Variants in BLK observed in about 807,000 individuals in gnomAD.
BLK encodes the protein BLK proto-oncogene, Src family tyrosine kinase, also known as tyrosine-protein kinase Blk.
A neutral mutation model predicts 61.8 loss-of-function variants in BLK; 64 were observed. The ratio of observed to expected loss-of-function variants is 1.03; its 90% CI spans 0.85 to 1.27. BLK has a LOEUF of 1.27. Ranked by LOEUF, BLK falls within the 50% of genes most tolerant of loss-of-function variation. The pLI is 0.00. For missense variants in BLK, 853 were observed against 660.5 expected (o/e 1.29, Z -3.19); for synonymous variants, 351 against 272.0 (o/e 1.29, Z -2.86).
chr8:11,505,375 C>T (rs115833753), intron 1 of BLK, among the ~76,000 whole-genome samples: 1,592 of 152,222 alleles, frequency 0.01, 10 homozygotes, highest in African/African-American at 0.024. Context: ...AGACAGCACC[C>T]GCTCCCTCCA....
chr8:11,545,329 A>G (rs1374473690), intron 2 of BLK, among the ~76,000 whole-genome samples: 5 of 152,242 alleles, frequency 3.3e-5, no homozygotes, highest in Non-Finnish European at 4.4e-5. Context: ...TGGGAGGATC[A>G]CTTGAGGCCA....
chr8:11,556,743 C>T lies in BLK; in HGVS notation c.858C>T (p.Asn286=), dbSNP rs565574052. The change falls in exon 9 of 13, where the codon AAC becomes AAT. Residue 286 remains asparagine (N), a synonymous_variant. Transcript: ENST00000259089. ...MSPEAFLGEA[N]VMKALQHERL... ...CAGAAGCCTTTCTGGGTGAGGCCAA[C>T]GTGATGAAGGCTCTGCAGCACGAGC... is the stretch of plus-strand genomic sequence containing the variant. 165 of 1,614,208 alleles carry T rather than the reference C, an allele frequency of 1.0e-4. 1 individual carries two copies. Among genetic ancestry groups the T allele is most frequent in the South Asian group, 1.4e-4 (13 of 91,086 alleles).
intron 6 of BLK, among the ~76,000 whole-genome samples, chr8:11,552,096 C>T (rs1054576613): frequency 2.0e-5 from 3 of 152,118 alleles, no homozygotes; most frequent in Non-Finnish European, 2.9e-5. Context: ...GAGTCTGGTT[C>T]CCTGTGGTTG....
chr8:11,503,535 G>C (rs368981908), intron 1 of BLK, among the ~76,000 whole-genome samples: 1 of 152,140 alleles, frequency 6.6e-6, no homozygotes, highest in South Asian at 2.1e-4. Context: ...CCTTATACAG[G>C]GTGACCCTTT....
intron 1 of BLK, among the ~76,000 whole-genome samples, chr8:11,526,043 G>C (rs1377358953): frequency 6.6e-6 from 1 of 152,182 alleles, no homozygotes; most frequent in African/African-American, 2.4e-5. Context: ...AAAGTGCTGG[G>C]ATTACAGGTG....
intron 1 of BLK, among the ~76,000 whole-genome samples, chr8:11,515,236 C>T (rs1799178067): frequency 2.0e-5 from 3 of 152,316 alleles, no homozygotes; most frequent in Middle Eastern, 3.4e-3. Flanking sequence ...CCTGGAAGTA[C>T]AGGCGGTCTG....
intron 1 of BLK, among the ~76,000 whole-genome samples, chr8:11,503,525 C>G (rs897420770): frequency 2.0e-5 from 3 of 152,122 alleles, no homozygotes; most frequent in South Asian, 4.2e-4. Flanking sequence ...TGTGCCCAAG[C>G]CTTATACAGG....
intron 3 of BLK, 89 bp from the exon 4 acceptor site, chr8:11,547,942 GC>G: frequency 9.1e-7 from 1 of 1,096,844 alleles, no homozygotes; most frequent in African/African-American, 1.5e-5. Flanking sequence ...GCAAGCAGAA[GC>G]CTGTCCTCCT....
At chr8:11,518,317 C>T (rs1248569729) in intron 1 of BLK, among the ~76,000 whole-genome samples, 1 of 152,204 alleles carries the variant, frequency 6.6e-6, no homozygotes, top group Non-Finnish European at 1.5e-5. Context: ...AGTGAATACG[C>T]ACTTTCGTGT....
At chr8:11,526,186 G>C (rs1033953367) in intron 1 of BLK, among the ~76,000 whole-genome samples, 27 of 152,134 alleles carry the variant, frequency 1.8e-4, no homozygotes, top group African/African-American at 6.5e-4. Context: ...TCATCATGCT[G>C]TCTCTTTTCT....
intron 1 of BLK, among the ~76,000 whole-genome samples, chr8:11,514,975 C>T (rs1799165105): frequency 1.3e-5 from 2 of 152,128 alleles, no homozygotes; most frequent in African/African-American, 4.8e-5. Flanking sequence ...AGGGTTGAGG[C>T]ACGCACATGA....
intron 1 of BLK, among the ~76,000 whole-genome samples, chr8:11,517,545 C>G (rs770095940): frequency 6.6e-6 from 1 of 152,222 alleles, no homozygotes; most frequent in Admixed American, 6.5e-5. Flanking sequence ...TTCCCAGAGC[C>G]CTTGCTGTAG....
intron 6 of BLK, 77 bp downstream of exon 6, chr8:11,550,339 T>G: frequency 1.5e-6 from 2 of 1,373,186 alleles, no homozygotes; most frequent in Admixed American, 3.5e-5. Flanking sequence ...GGCCCTGGAG[T>G]GAGAGGGGAA....
chr8:11,535,115 C>T (rs749803029), intron 1 of BLK, among the ~76,000 whole-genome samples: 3 of 151,394 alleles, frequency 2.0e-5, no homozygotes, highest in Admixed American at 6.6e-5. Context: ...GAGTTCAAGG[C>T]TGCAGTGAGC....
intron 1 of BLK, among the ~76,000 whole-genome samples, chr8:11,510,727 C>T (rs983163786): frequency 1.1e-4 from 17 of 151,818 alleles, no homozygotes; most frequent in Admixed American, 5.2e-4. Context: ...ATATTATCCC[C>T]GGGATAGCGC....
chr8:11,558,926 G>T (rs1284897462), intron 10 of BLK: 1 of 455,846 alleles, frequency 2.2e-6, no homozygotes, highest in Non-Finnish European at 4.4e-6. Flanking sequence ...TAGCGCCGCT[G>T]CAGGAACTGA....
intron 1 of BLK, among the ~76,000 whole-genome samples, chr8:11,533,540 G>C (rs1799980735): frequency 6.6e-6 from 1 of 150,538 alleles, no homozygotes; most frequent in African/African-American, 2.4e-5. Context: ...CAGAGATGTG[G>C]CTCAAATCTC....
At chr8:11,552,624 G>C (rs1339130818) in intron 6 of BLK, 1 of 152,176 alleles carries the variant, frequency 6.6e-6, no homozygotes, top group Non-Finnish European at 1.5e-5. Context: ...TGTTTCATCT[G>C]TATCTCCCGC....
At chr8:11,538,308 T>C (rs183814559) in intron 1 of BLK, among the ~76,000 whole-genome samples, 2 of 152,308 alleles carry the variant, frequency 1.3e-5, no homozygotes, top group East Asian at 1.9e-4. Flanking sequence ...ACTTCCTGGC[T>C]TCACCCAACC....
Sources: allele counts gnomAD v4.1 joint callset (sites outside exome capture counted in the v4.1 genomes callset), GRCh38; gene constraint gnomAD v4.1.1; transcripts MANE v1.5; gene names NCBI Gene and HGNC (gene_info 2026-07-23, HGNC 2026-07-21).